PLXDC2: variants seen among roughly 807,000 people sequenced by gnomAD.
The protein encoded by PLXDC2 is plexin domain containing 2, also known as plexin domain-containing protein 2.
A neutral mutation model predicts 68.9 loss-of-function variants in PLXDC2; 40 were observed. The observed-to-expected ratio is 0.58, with a 90% CI of 0.45 to 0.76. The LOEUF (loss-of-function observed/expected upper bound fraction) is 0.76, where lower values mean the gene tolerates loss of function less well. Ranked by LOEUF, PLXDC2 falls within the 30% of genes least tolerant of loss-of-function variation. The probability of loss-of-function intolerance (pLI) is 0.00; values close to 1 mark genes in which losing one functional copy is unlikely to be tolerated. For synonymous variants in PLXDC2, 243 were observed against 234.2 expected, an observed-to-expected ratio of 1.04 and a Z score of -0.34; for missense variants, 644 against 661.9, an observed-to-expected ratio of 0.97 and a Z score of 0.30.
intron 4 of PLXDC2, among the ~76,000 whole-genome samples, chr10:20,087,385 G>A (rs1228621374): frequency 6.6e-6 from 1 of 150,460 alleles, no homozygotes; most frequent in Non-Finnish European, 1.5e-5. Flanking sequence ...TGGTTGGCTT[G>A]CTGAGTAATT....
chr10:20,204,520 A>G (rs1181230072), intron 9 of PLXDC2, among the ~76,000 whole-genome samples: 1 of 152,156 alleles, frequency 6.6e-6, no homozygotes, highest in Non-Finnish European at 1.5e-5. Flanking sequence ...TGATGTTTCC[A>G]TTAAGATAAC....
intron 12 of PLXDC2, among the ~76,000 whole-genome samples, chr10:20,224,131 G>A (rs1835255513): frequency 6.6e-6 from 1 of 151,908 alleles, no homozygotes; most frequent in South Asian, 2.1e-4. Flanking sequence ...ATGCCACCAT[G>A]CCCGGCTAAT....
intron 9 of PLXDC2, among the ~76,000 whole-genome samples, chr10:20,190,291 T>A (rs1310228101): frequency 6.6e-6 from 1 of 151,908 alleles, no homozygotes; most frequent in Non-Finnish European, 1.5e-5. Context: ...TTCCTTTAGC[T>A]TGCTTGCACT....
intron 13 of PLXDC2, among the ~76,000 whole-genome samples, chr10:20,245,754 C>G (rs556156959): frequency 1.3e-5 from 2 of 152,232 alleles, no homozygotes; most frequent in South Asian, 4.1e-4. Context: ...TTTCTAAGAT[C>G]TAAAAGAAAA....
intron 1 of PLXDC2, among the ~76,000 whole-genome samples, chr10:19,829,199 C>T: frequency 9.7e-6 from 1 of 103,092 alleles, no homozygotes; most frequent in Non-Finnish European, 1.8e-5. Flanking sequence ...TCCTTCAGAT[C>T]TCCACTTAGC....
intron 12 of PLXDC2, among the ~76,000 whole-genome samples, chr10:20,224,876 A>G (rs981338217): frequency 1.3e-5 from 2 of 152,208 alleles, no homozygotes; most frequent in African/African-American, 2.4e-5. Flanking sequence ...TATTTAAAGT[A>G]TCAGCACTCC....
intron 1 of PLXDC2, among the ~76,000 whole-genome samples, chr10:19,840,521 CTAAG>C (rs1836884475): frequency 6.6e-6 from 1 of 152,044 alleles, no homozygotes; most frequent in African/African-American, 2.4e-5. Flanking sequence ...TCATTAAAAA[CTAAG>C]TAAGCTCACA....
chr10:19,893,608 CAATAT>C (rs1838005385), intron 1 of PLXDC2, among the ~76,000 whole-genome samples: 1 of 152,028 alleles, frequency 6.6e-6, no homozygotes, highest in Non-Finnish European at 1.5e-5. Context: ...GATATGTGAC[CAATAT>C]AATAATGGCT....
At chr10:19,842,682 G>T (rs754291652) in intron 1 of PLXDC2, among the ~76,000 whole-genome samples, 1 of 152,114 alleles carries the variant, frequency 6.6e-6, no homozygotes, top group Non-Finnish European at 1.5e-5. Context: ...TATCTTGCTC[G>T]GAGAAGGTGA....
chr10:20,089,929 G>A (rs957552150), intron 4 of PLXDC2, among the ~76,000 whole-genome samples: 5 of 152,140 alleles, frequency 3.3e-5, no homozygotes, highest in African/African-American at 7.2e-5. Context: ...TGACATGACC[G>A]TTAGGTTCAA....
chr10:20,051,374 C>T (rs1477029070), intron 3 of PLXDC2, among the ~76,000 whole-genome samples: 3 of 142,034 alleles, frequency 2.1e-5, no homozygotes, highest in African/African-American at 7.8e-5. Context: ...ACACTTACTG[C>T]TGACCCTAAA....
chr10:19,845,934 T>C (rs1457618797), intron 1 of PLXDC2, among the ~76,000 whole-genome samples: 1 of 152,202 alleles, frequency 6.6e-6, no homozygotes, highest in African/African-American at 2.4e-5. Flanking sequence ...GGTCCCGTTT[T>C]AGTTAGTCTT....
intron 4 of PLXDC2, 89 bp downstream of exon 4, chr10:20,068,328 A>G (rs1836252279): frequency 9.2e-7 from 1 of 1,085,972 alleles, no homozygotes; most frequent in Non-Finnish European, 1.3e-6. Flanking sequence ...CAAGATGGAT[A>G]TTTATTGAGA....
intron 1 of PLXDC2, among the ~76,000 whole-genome samples, chr10:19,970,954 T>G (rs1650489759): frequency 6.6e-6 from 1 of 152,226 alleles, no homozygotes; most frequent in South Asian, 2.1e-4. Flanking sequence ...CAGAAGGATT[T>G]GCTGAAGTTG....
chr10:20,224,956 A>G (rs1394181301), intron 12 of PLXDC2, among the ~76,000 whole-genome samples: 1 of 152,172 alleles, frequency 6.6e-6, no homozygotes, highest in East Asian at 1.9e-4. Flanking sequence ...GAAAGGCTGC[A>G]TTTTTAAGTC....
At chr10:19,886,933 C>T (rs1409890790) in intron 1 of PLXDC2, among the ~76,000 whole-genome samples, 1 of 152,170 alleles carries the variant, frequency 6.6e-6, no homozygotes, top group Admixed American at 6.5e-5. Flanking sequence ...TATCCTAAGT[C>T]ATATAACCTC....
chr10:19,845,775 T>A (rs1836996916), intron 1 of PLXDC2, among the ~76,000 whole-genome samples: 1 of 152,196 alleles, frequency 6.6e-6, no homozygotes, highest in Non-Finnish European at 1.5e-5. Context: ...AGGAGGCAGT[T>A]CATGCAGAAA....
At chr10:20,277,406 T>C (rs1432243927) in intron 13 of PLXDC2, among the ~76,000 whole-genome samples, 1 of 151,962 alleles carries the variant, frequency 6.6e-6, no homozygotes, top group Non-Finnish European at 1.5e-5. Flanking sequence ...ACACAGAAGG[T>C]TCTCTTTAAA....
At chr10:20,161,801 G>C (rs995482087) in intron 6 of PLXDC2, among the ~76,000 whole-genome samples, 7 of 152,098 alleles carry the variant, frequency 4.6e-5, no homozygotes, top group African/African-American at 1.7e-4. Flanking sequence ...GGAGGCCGAG[G>C]TGGGCGGATC....
Sources: gnomAD v4.1 joint callset for allele counts (sites outside exome capture counted in the v4.1 genomes callset) on GRCh38, gnomAD v4.1.1 for gene constraint, MANE v1.5 for transcripts, NCBI Gene and HGNC (gene_info 2026-07-23, HGNC 2026-07-21) for gene names.